Variants in SPTBN1 observed in about 807,000 individuals in gnomAD.
SPTBN1 encodes the protein spectrin beta, non-erythrocytic 1.
SPTBN1 carries 32 observed loss-of-function variants against 266.4 expected under a neutral mutation model. The observed-to-expected ratio is 0.12, with a 90% CI of 0.09 to 0.16. The LOEUF (loss-of-function observed/expected upper bound fraction) is 0.16, where lower values mean the gene tolerates loss of function less well. SPTBN1 is among the 10% of genes least tolerant of loss of function. The probability of loss-of-function intolerance (pLI) is 1.00; values close to 1 mark genes in which losing one functional copy is unlikely to be tolerated. For missense variants in SPTBN1, 2,296 were observed against 3,067.1 expected, an observed-to-expected ratio of 0.75 and a Z score of 5.94; for synonymous variants, 1,336 against 1,162.2, an observed-to-expected ratio of 1.15 and a Z score of -3.04.
rs1456501850 is a variant in SPTBN1 at position 54,664,757 on chromosome 2, C to T, written c.6659+66C>T. 2.7e-6 allele frequency: 4 copies of T among 1,497,792 alleles called. No individual in the cohort carries two copies. The highest frequency in any genetic ancestry group is 3.7e-6 in the Non-Finnish European group (4 of 1,089,480). 92.8% of individuals were successfully genotyped at this position (1,497,792 alleles called of 1,614,324 possible). A position where few individuals can be genotyped will look rare whatever the true frequency, so the allele number is the denominator to read the frequency against. On this transcript the variant is annotated intron_variant, in intron 33 of 35. Coordinates refer to ENST00000356805, the MANE Select transcript of SPTBN1 (RefSeq NM_003128.3). This position sits in a 1 kb window ranked among gnomAD's most constrained non-coding sequence, Gnocchi z 5.6. Reference sequence around the variant, plus strand: ...GCCTGTGAAGGGATAAGGCGGGCCACTCTTGAATTGGAAGAGAAGTATGTG... The same window carrying T: ...GCCTGTGAAGGGATAAGGCGGGCCATTCTTGAATTGGAAGAGAAGTATGTG...
At chr2:54,457,639 C>T (rs928433735) in intron 1 of SPTBN1, among the ~76,000 whole-genome samples, 2 of 152,198 alleles carry the variant, frequency 1.3e-5, no homozygotes, top group Admixed American at 6.5e-5. Flanking sequence ...AGTATCGCAG[C>T]TTCCTTGGTT....
intron 9 of SPTBN1, among the ~76,000 whole-genome samples, 192 bp from the exon 10 acceptor site, chr2:54,623,287 T>C (rs571828950): frequency 6.6e-6 from 1 of 152,326 alleles, no homozygotes; most frequent in Admixed American, 6.5e-5. Context: ...CAAATATAAA[T>C]GTCAGCAACA....
At chr2:54,623,252 G>A (rs1678109549) in intron 9 of SPTBN1, among the ~76,000 whole-genome samples, 1 of 152,182 alleles carries the variant, frequency 6.6e-6, no homozygotes, top group South Asian at 2.1e-4. Flanking sequence ...GAATACAAAA[G>A]AGTATTGCAT....
intron 26 of SPTBN1, among the ~76,000 whole-genome samples, chr2:54,651,614 A>T (rs1476560276): frequency 6.6e-6 from 1 of 152,222 alleles, no homozygotes; most frequent in Admixed American, 6.5e-5. Flanking sequence ...GGTTATGCAA[A>T]GCAATAGTTC....
At position 54,653,548 on chromosome 2, in the gene SPTBN1, G is replaced by A; in HGVS notation, c.5578-61G>A. ...GTATGAGCAGAACAGAATAGGGCTT[G>A]GGGTGATGGTGGGAAGGCCGCCATG... On this transcript the variant is annotated intron_variant, in intron 26 of 35. Coordinates refer to ENST00000356805, the MANE Select transcript of SPTBN1 (RefSeq NM_003128.3). The surrounding 1 kb of genome is among the most constrained non-coding windows in gnomAD (Gnocchi z 5.1). The A allele has an allele frequency of 1.3e-6, 2 of 1,591,256 alleles. No individual in the cohort carries two copies. The highest frequency in any genetic ancestry group is 1.7e-6 in the Non-Finnish European group (2 of 1,173,988).
intron 1 of SPTBN1, among the ~76,000 whole-genome samples, chr2:54,490,285 T>C (rs771197574): frequency 1.5e-4 from 23 of 152,126 alleles, no homozygotes; most frequent in African/African-American, 7.2e-5. Flanking sequence ...TTGGCCAGGC[T>C]GGTCTTGAAC....
Position 54,533,748 on chromosome 2 carries a change from AC to A in SPTBN1, c.148+7184del, listed in dbSNP as rs1181604640. On this transcript the variant is annotated intron_variant, in intron 2 of 35. Coordinates refer to ENST00000356805, the MANE Select transcript of SPTBN1 (RefSeq NM_003128.3). This position sits in a 1 kb window ranked among gnomAD's most constrained non-coding sequence, Gnocchi z 4.2. Reference sequence around the variant, plus strand: ...GTATTTTTAGTAGAGACGGGGTTTCACCATGTTGGCCAGGCTGGTCTCGAAC... The same window carrying A: ...GTATTTTTAGTAGAGACGGGGTTTCACATGTTGGCCAGGCTGGTCTCGAAC... Among the ~76,000 whole-genome samples, 3 of 152,182 alleles carry A rather than the reference AC, an allele frequency of 2.0e-5. No homozygotes were observed. Among genetic ancestry groups the A allele is most frequent in the South Asian group, 2.1e-4 (1 of 4,822 alleles).
chr2:54,662,696 G>T (rs1681126923), intron 32 of SPTBN1: 1 of 152,188 alleles, frequency 6.6e-6, no homozygotes, highest in African/African-American at 2.4e-5. Flanking sequence ...CACTAGAGAA[G>T]ATTTGTCACC....
chr2:54,628,036 A>C lies in SPTBN1; in HGVS notation c.1645-61A>C. On this transcript the variant is annotated intron_variant, in intron 12 of 35. Transcript: ENST00000356805. The surrounding 1 kb of genome is among the most constrained non-coding windows in gnomAD (Gnocchi z 4.3). ...CTGGCTCTCTGCTTGTCGAAAGATG[A>C]TGTGATGCTGAAGTCAAGGCTATAG... The C allele has an allele frequency of 1.3e-6, 2 of 1,537,112 alleles. No individual in the cohort carries two copies. Among genetic ancestry groups the C allele is most frequent in the Non-Finnish European group, 1.8e-6 (2 of 1,138,192 alleles).
chr2:54,635,482 A>G (rs1232397295), intron 17 of SPTBN1, among the ~76,000 whole-genome samples: 2 of 152,238 alleles, frequency 1.3e-5, no homozygotes, highest in African/African-American at 2.4e-5. Context: ...TGATGGTCCC[A>G]CTATAGGAGA....
rs1202848879 is a variant in SPTBN1 at position 54,655,307 on chromosome 2, C to T, written c.5961+99C>T. 4.9e-6 allele frequency: 7 copies of T among 1,422,088 alleles called. No homozygotes were observed. In the African/African-American group the frequency reaches 9.9e-5, roughly 20 times the overall value. The allele number at this position is 1,422,088 out of a possible 1,614,324, so 88.1% of individuals were successfully genotyped here. A position where few individuals can be genotyped will look rare whatever the true frequency, so the allele number is the denominator to read the frequency against. The stretch of plus-strand genomic sequence containing the variant: ...GTGTCAGAGATACTGTGTTTACATT[C>T]TTATACACACACACATATGTTTTAA... On this transcript the variant is annotated intron_variant, in intron 28 of 35. Transcript: ENST00000356805.
rs1673027753 is a variant in SPTBN1, at chr2:54,558,409, C to T, written c.148+31843C>T. ...GCTGGGAGGAGGTGTGCGCGCTGCGCCCGCGAGCTCCCGGGCTCGGCAACC... is the reference window on the plus strand; with the variant it reads ...GCTGGGAGGAGGTGTGCGCGCTGCGTCCGCGAGCTCCCGGGCTCGGCAACC... On this transcript the variant is annotated intron_variant, in intron 2 of 35. Transcript: ENST00000356805. The surrounding 1 kb of genome is among the most constrained non-coding windows in gnomAD (Gnocchi z 4.6). 3.9e-6 allele frequency: 4 copies of T among 1,015,688 alleles called. No individual in the cohort carries two copies. The highest frequency in any genetic ancestry group is 8.4e-5 in the South Asian group (2 of 23,924). 62.9% of individuals were successfully genotyped at this position (1,015,688 alleles called of 1,614,324 possible).
chr2:54,535,388 G>C (rs755425130), intron 2 of SPTBN1, among the ~76,000 whole-genome samples: 2 of 152,140 alleles, frequency 1.3e-5, no homozygotes, highest in Admixed American at 6.5e-5. Context: ...ATGTACGTTA[G>C]CGGTTACTTC....
At chr2:54,569,026 T>C (rs1373589542) in intron 2 of SPTBN1, among the ~76,000 whole-genome samples, 1 of 152,224 alleles carries the variant, frequency 6.6e-6, no homozygotes, top group Admixed American at 6.5e-5. Flanking sequence ...GGATTTGAAG[T>C]ATGTGAAATA....
In SPTBN1 at chr2:54,610,380, T is replaced by TA. The variant is rs542190414; in HGVS notation, c.301-1780dup. On this transcript the variant is annotated intron_variant, in intron 3 of 35. Transcript: ENST00000356805. ...TATTAGTCCTTAGGTATGCCTCTCT[T>TA]ATGGCAATCCTGCACTCACATAAAA... is the stretch of plus-strand genomic sequence containing the variant. Among the ~76,000 whole-genome samples the TA allele has an allele frequency of 6.6e-4, 101 of 152,358 alleles. 1 individual carries two copies. The highest frequency in any genetic ancestry group is 1.9e-3 in the African/African-American group (81 of 41,586).
intron 27 of SPTBN1, among the ~76,000 whole-genome samples, 158 bp from the exon 28 acceptor site, chr2:54,654,912 A>C (rs1181339058): frequency 1.3e-5 from 2 of 152,212 alleles, no homozygotes; most frequent in Non-Finnish European, 2.9e-5. Context: ...CTTTGGCTCC[A>C]GTGGCCCAGC....
At chr2:54,559,189 AGACTTAT>A (rs1673103765) in intron 2 of SPTBN1, among the ~76,000 whole-genome samples, 1 of 152,174 alleles carries the variant, frequency 6.6e-6, no homozygotes, top group Non-Finnish European at 1.5e-5. Context: ...CAGTGCTCAT[AGACTTAT>A]TAGTATGCAG....
intron 1 of SPTBN1, among the ~76,000 whole-genome samples, chr2:54,459,079 C>G (rs1273085416): frequency 2.0e-5 from 3 of 152,166 alleles, no homozygotes; most frequent in African/African-American, 7.2e-5. Flanking sequence ...TTTGGATTTA[C>G]TTTGTTGTAA....
intron 2 of SPTBN1, among the ~76,000 whole-genome samples, chr2:54,561,697 A>C (rs569042317): frequency 6.7e-6 from 1 of 149,600 alleles, no homozygotes; most frequent in Non-Finnish European, 1.5e-5. Context: ...AGATATTATA[A>C]ATTTATAGTT....
Sources: allele counts gnomAD v4.1 joint callset (sites outside exome capture counted in the v4.1 genomes callset), GRCh38; gene constraint gnomAD v4.1.1; non-coding constraint Gnocchi (gnomAD v3.1); transcripts MANE v1.5; gene names NCBI Gene and HGNC (gene_info 2026-07-23, HGNC 2026-07-21).